Variants in GANC observed in about 807,000 individuals in gnomAD.
GANC encodes the protein glucosidase alpha, neutral C, also known as neutral alpha-glucosidase C.
Under a neutral mutation model 124.2 loss-of-function variants are expected in GANC, and 117 were observed. That is an observed-to-expected ratio of 0.94 (90% CI 0.81 to 1.10). The LOEUF is 1.10. GANC is among the 50% of genes least tolerant of loss of function. GANC has a pLI of 0.00. For missense variants in GANC, 1,140 were observed against 1,095.0 expected (o/e 1.04, Z -0.58); for synonymous variants, 377 against 376.8 (o/e 1.00, Z -0.01).
In GANC at chr15:42,351,152, G is replaced by A. The variant is rs188911225; in HGVS notation, c.2532-177G>A. ...CTCCCAAAGTGCTGGGATTACAGGC[G>A]TGAGCCACCGTGCCTGGGTCTTTTA... On this transcript the variant is annotated intron_variant, in intron 22 of 23. Coordinates refer to ENST00000318010, the MANE Select transcript of GANC (RefSeq NM_198141.3). Among the ~76,000 whole-genome samples the A allele has an allele frequency of 2.8e-3, 424 of 152,096 alleles. 1 individual carries two copies. The highest frequency in any genetic ancestry group is 9.4e-3 in the African/African-American group (388 of 41,460).
At chr15:42,275,540 A>G (rs1336568124) in intron 1 of GANC, among the ~76,000 whole-genome samples, 5 of 152,002 alleles carry the variant, frequency 3.3e-5, no homozygotes, top group Non-Finnish European at 7.4e-5. Flanking sequence ...CATGCTGACT[A>G]CAGATGCATT....
chr15:42,292,639 A>G (rs2051850727), intron 4 of GANC, 96 bp from the exon 5 acceptor site: 8 of 1,211,816 alleles, frequency 6.6e-6, no homozygotes, highest in East Asian at 2.4e-5. Flanking sequence ...TGTCACATGA[A>G]TATTGATTTA....
At chr15:42,349,109 C>T (rs1357281281) in intron 21 of GANC, among the ~76,000 whole-genome samples, 1 of 152,148 alleles carries the variant, frequency 6.6e-6, no homozygotes, top group East Asian at 1.9e-4. Flanking sequence ...GGAGTATTTT[C>T]AGGGAATCCA....
intron 14 of GANC, among the ~76,000 whole-genome samples, chr15:42,330,275 T>TA (rs1160508728): frequency 2.0e-5 from 3 of 152,230 alleles, no homozygotes; most frequent in African/African-American, 4.8e-5. Context: ...CAGAGGTTGT[T>TA]ACGGAGATTA....
Position 42,292,874 on chromosome 15 carries a change from G to A in GANC, c.469G>A (p.Gly157Ser). 1.2e-6 allele frequency: 2 copies of A among 1,613,656 alleles called. No individual in the cohort carries two copies. The highest frequency in any genetic ancestry group is 1.7e-4 in the Middle Eastern group (1 of 6,056). Reference sequence around the variant, plus strand: ...GGTTGTGATTAGCATAAATTCCCTGGGCCAATTATACTTTGAGCATCTACA... The same window carrying A: ...GGTTGTGATTAGCATAAATTCCCTGAGCCAATTATACTTTGAGCATCTACA... Reference protein sequence around the residue: ...EEVVISINSLGQLYFEHLQIL... With the variant: ...EEVVISINSLSQLYFEHLQIL... The change falls in exon 5 of 24, where the codon GGC becomes AGC. Residue 157 changes from glycine (G) to serine (S), a missense_variant. Gly to Ser is a moderately conservative substitution (Grantham distance 56). Coordinates refer to ENST00000318010, the MANE Select transcript of GANC (RefSeq NM_198141.3).
rs1595780125 is a variant in GANC at position 42,329,227 on chromosome 15, A to T, written c.1501-79A>T. The T allele has an allele frequency of 3.6e-6, 5 of 1,398,410 alleles. No individual in the cohort carries two copies. In the East Asian group the frequency reaches 7.0e-5, roughly 20 times the overall value. 86.6% of individuals were successfully genotyped at this position (1,398,410 alleles called of 1,614,324 possible). The stretch of plus-strand genomic sequence containing the variant: ...AGCATAGATAATAAACATAATTTTT[A>T]AAATGAGGTAGCAATGGTGACAGCT... On this transcript the variant is annotated intron_variant, in intron 13 of 23. Coordinates refer to ENST00000318010, the MANE Select transcript of GANC (RefSeq NM_198141.3).
chr15:42,275,943 G>A (rs1421141517), intron 1 of GANC, among the ~76,000 whole-genome samples: 1 of 152,162 alleles, frequency 6.6e-6, no homozygotes, highest in Non-Finnish European at 1.5e-5. Flanking sequence ...GAATAAATCG[G>A]TGGGTGGGTT....
chr15:42,340,648 A>T, intron 17 of GANC, 42 bp from the exon 18 acceptor site: 4 of 1,292,956 alleles, frequency 3.1e-6, no homozygotes, highest in Non-Finnish European at 4.4e-6. Context: ...TTGCAATAAG[A>T]TGTCTATAAT....
At chr15:42,278,257 C>T (rs905037432) in intron 2 of GANC, among the ~76,000 whole-genome samples, 4 of 152,108 alleles carry the variant, frequency 2.6e-5, no homozygotes, top group Admixed American at 6.5e-5. Flanking sequence ...CTTTGAGCAA[C>T]GTTATAATAA....
At chr15:42,338,231 G>GATACTTTTCATTGTAGAAAATTA (rs2141072205) in intron 15 of GANC, among the ~76,000 whole-genome samples, 158 bp from the exon 16 acceptor site, 1 of 152,304 alleles carries the variant, frequency 6.6e-6, no homozygotes, top group African/African-American at 2.4e-5. Context: ...TTAGAAAATT[G>GATACTTTTCATTGTAGAAAATTA]ATACTTTTCA....
Position 42,351,436 on chromosome 15 carries a change from A to G in GANC, c.2635+4A>G, listed in dbSNP as rs756547391. 6.9e-6 allele frequency: 11 copies of G among 1,598,012 alleles called. No individual in the cohort carries two copies. The highest frequency in any genetic ancestry group is 9.4e-6 in the Non-Finnish European group (11 of 1,165,598). ...TCTGTGACTACCCACTCATCTGGTGAGAAAGCAGTCCATTCTTACCTCACC... is the reference window on the plus strand; with the variant it reads ...TCTGTGACTACCCACTCATCTGGTGGGAAAGCAGTCCATTCTTACCTCACC... On this transcript the variant is annotated splice_donor_region_variant and intron_variant, in intron 23 of 23. Coordinates refer to ENST00000318010, the MANE Select transcript of GANC (RefSeq NM_198141.3).
chr15:42,342,968 C>T (rs1281878015), intron 18 of GANC, 110 bp from the exon 19 acceptor site: 1 of 828,616 alleles, frequency 1.2e-6, no homozygotes, highest in Non-Finnish European at 2.0e-6. Context: ...CTCCAAAGTT[C>T]ACAGCTGGGA....
intron 11 of GANC, among the ~76,000 whole-genome samples, 154 bp downstream of exon 11, chr15:42,322,174 A>G (rs977570066): frequency 2.0e-5 from 3 of 152,198 alleles, no homozygotes; most frequent in African/African-American, 7.2e-5. Context: ...ATAAGAGAGA[A>G]AGTGAATGGT....
rs774676995 is a variant in GANC at position 42,329,455 on chromosome 15, A to G, written c.1644+6A>G. ...ACATCTACGGTTTTTATCATGTAAG[A>G]CATCCAAAAAGAATTAAACTGGGCT... On this transcript the variant is annotated splice_donor_region_variant and intron_variant, in intron 14 of 23. Transcript: ENST00000318010. The G allele has an allele frequency of 1.9e-6, 3 of 1,603,450 alleles. No homozygotes were observed. The South Asian group carries it at 3.4e-5, about 18-fold the overall frequency.
chr15:42,351,463 T>C, intron 23 of GANC, 31 bp downstream of exon 23: 1 of 1,471,986 alleles, frequency 6.8e-7, no homozygotes, highest in Non-Finnish European at 9.5e-7. Flanking sequence ...TACCTCACCA[T>C]TTGTTTTTAT....
At chr15:42,345,288 A>G (rs1211805429) in intron 19 of GANC, among the ~76,000 whole-genome samples, 3 of 147,582 alleles carry the variant, frequency 2.0e-5, no homozygotes, top group African/African-American at 7.4e-5. Context: ...TCCTTCTCTG[A>G]TGCTTCCTTT....
intron 19 of GANC, 184 bp downstream of exon 19, chr15:42,343,338 G>A: frequency 1.7e-6 from 1 of 571,462 alleles, no homozygotes; most frequent in East Asian, 3.0e-5. Flanking sequence ...AGGAGAGGAG[G>A]GAGAAAGATG....
At position 42,273,515 on chromosome 15, in the gene GANC, T is replaced by A; in HGVS notation, c.-967T>A. 2.7e-6 allele frequency: 4 copies of A among 1,495,972 alleles called. No individual in the cohort carries two copies. The highest frequency in any genetic ancestry group is 2.1e-5 in the Admixed American group (1 of 48,372). The allele number at this position is 1,495,972 out of a possible 1,614,324, so 92.7% of individuals were successfully genotyped here. ...CGGGTCCTGGAAACGTCGCGGAGCT[T>A]GTTTGCTGTGCGGCGTAGCGGCCCC... On this transcript the variant is annotated 5_prime_UTR_variant, in exon 1 of 24. Coordinates refer to ENST00000318010, the MANE Select transcript of GANC (RefSeq NM_198141.3).
At chr15:42,311,440 G>C (rs1422982627) in intron 10 of GANC, among the ~76,000 whole-genome samples, 1 of 152,162 alleles carries the variant, frequency 6.6e-6, no homozygotes, top group Non-Finnish European at 1.5e-5. Context: ...ATTCAGCAAA[G>C]TTGCAGGGTA....
Sources: gnomAD v4.1 joint callset for allele counts (sites outside exome capture counted in the v4.1 genomes callset) on GRCh38, gnomAD v4.1.1 for gene constraint, MANE v1.5 for transcripts, NCBI Gene and HGNC (gene_info 2026-07-23, HGNC 2026-07-21) for gene names.